SLC4A10: variants seen among roughly 807,000 people sequenced by gnomAD.
The protein encoded by SLC4A10 is solute carrier family 4 member 10.
In SLC4A10, 42 loss-of-function variants were observed where a neutral mutation model predicts 137.7. The ratio of observed to expected loss-of-function variants is 0.30; its 90% CI spans 0.24 to 0.39. SLC4A10 has a LOEUF of 0.39. SLC4A10 is among the 10% of genes least tolerant of loss of function. The probability of loss-of-function intolerance (pLI) is 1.00; values close to 1 mark genes in which losing one functional copy is unlikely to be tolerated. For synonymous variants in SLC4A10, 474 were observed against 464.1 expected (o/e 1.02, Z -0.27); for missense variants, 925 against 1,355.0 (o/e 0.68, Z 4.98).
At chr2:161,981,663 A>T (rs1402707407) in intron 26 of SLC4A10, among the ~76,000 whole-genome samples, 2 of 152,264 alleles carry the variant, frequency 1.3e-5, no homozygotes, top group Admixed American at 6.5e-5. Flanking sequence ...AGGAACTTAA[A>T]GTAGAAGAAA....
At chr2:161,863,994 G>A (rs1360079404) in intron 6 of SLC4A10, among the ~76,000 whole-genome samples, 1 of 152,124 alleles carries the variant, frequency 6.6e-6, no homozygotes, top group Non-Finnish European at 1.5e-5. Flanking sequence ...GAGGTCAGGA[G>A]ATCGTGACCA....
At chr2:161,727,630 A>G (rs1229194562) in intron 1 of SLC4A10, among the ~76,000 whole-genome samples, 1 of 152,166 alleles carries the variant, frequency 6.6e-6, no homozygotes, top group Non-Finnish European at 1.5e-5. Context: ...AACAAATAAG[A>G]GTTCTTGGAA....
intron 3 of SLC4A10, among the ~76,000 whole-genome samples, chr2:161,824,243 A>C (rs1476247097): frequency 2.6e-5 from 4 of 152,194 alleles, no homozygotes; most frequent in Admixed American, 2.6e-4. Flanking sequence ...TTCATTACAC[A>C]TGGTACCCTA....
At chr2:161,898,487 C>T (rs956076146) in intron 11 of SLC4A10, among the ~76,000 whole-genome samples, 29 of 152,110 alleles carry the variant, frequency 1.9e-4, no homozygotes, top group African/African-American at 6.3e-4. Flanking sequence ...AGTTAATATA[C>T]ATTAAACATT....
At chr2:161,870,728 T>G (rs931491131) in intron 6 of SLC4A10, among the ~76,000 whole-genome samples, 1 of 151,858 alleles carries the variant, frequency 6.6e-6, no homozygotes, top group African/African-American at 2.4e-5. Flanking sequence ...CACATTGTGG[T>G]TAGAAATGGG....
At chr2:161,839,167 A>G (rs1663661640) in intron 3 of SLC4A10, among the ~76,000 whole-genome samples, 1 of 152,214 alleles carries the variant, frequency 6.6e-6, no homozygotes, top group Non-Finnish European at 1.5e-5. Context: ...AATGACAGAT[A>G]AATCTCAAAA....
At chr2:161,937,292 A>G (rs1014344169) in intron 15 of SLC4A10, among the ~76,000 whole-genome samples, 3 of 152,152 alleles carry the variant, frequency 2.0e-5, no homozygotes, top group Non-Finnish European at 4.4e-5. Flanking sequence ...ACCAAAGGCT[A>G]TTTAGTGTTA....
chr2:161,684,642 C>T (rs1373918457), intron 1 of SLC4A10, among the ~76,000 whole-genome samples: 2 of 152,062 alleles, frequency 1.3e-5, no homozygotes, highest in African/African-American at 4.8e-5. Flanking sequence ...TCTCACTTTC[C>T]TCAACTGTAA....
chr2:161,946,341 GTTGT>G (rs1345605642), intron 16 of SLC4A10, among the ~76,000 whole-genome samples: 3 of 152,008 alleles, frequency 2.0e-5, no homozygotes, highest in Non-Finnish European at 4.4e-5. Context: ...GATTTTACTA[GTTGT>G]TTGTTTTCAG....
chr2:161,727,471 C>T (rs1320665404), intron 1 of SLC4A10, among the ~76,000 whole-genome samples: 1 of 151,994 alleles, frequency 6.6e-6, no homozygotes, highest in African/African-American at 2.4e-5. Flanking sequence ...AGATAGAAGC[C>T]AATACATTAG....
At chr2:161,631,437 A>C (rs2033536811) in intron 1 of SLC4A10, among the ~76,000 whole-genome samples, 1 of 151,744 alleles carries the variant, frequency 6.6e-6, no homozygotes, top group African/African-American at 2.4e-5. Flanking sequence ...AAATATTCAC[A>C]AAATAAAAAT....
rs140383285 is a variant in SLC4A10, at chr2:161,780,901, A to C, written c.130+9847A>C. 8.2e-3 allele frequency among the ~76,000 whole-genome samples: 1,249 copies of C among 152,184 alleles called. 14 individuals are homozygous for C. The highest frequency in any genetic ancestry group is 0.029 in the South Asian group (140 of 4,828). On this transcript the variant is annotated intron_variant, in intron 2 of 26. Transcript: ENST00000446997. ...TAATAAAAAATACATATCTAAAAGG[A>C]TAATCTGATGTTGTAAAATTATAAA...
intron 1 of SLC4A10, among the ~76,000 whole-genome samples, chr2:161,755,250 T>C (rs2049483059): frequency 6.6e-6 from 1 of 152,216 alleles, no homozygotes; most frequent in South Asian, 2.1e-4. Context: ...GAACTGTTTA[T>C]TTGCCTAAAG....
intron 1 of SLC4A10, among the ~76,000 whole-genome samples, chr2:161,763,982 T>G (rs1266815901): frequency 6.6e-6 from 1 of 152,126 alleles, no homozygotes; most frequent in Non-Finnish European, 1.5e-5. Context: ...ATCTAATCTT[T>G]GACATGGCAA....
At chr2:161,947,857 G>A in intron 17 of SLC4A10, 130 bp downstream of exon 17, 1 of 1,017,000 alleles carries the variant, frequency 9.8e-7, no homozygotes, top group South Asian at 1.6e-5. Context: ...GGAGTGAGAT[G>A]AGGGGCTGAA....
At chr2:161,627,294 T>C (rs1440854360) in intron 1 of SLC4A10, among the ~76,000 whole-genome samples, 3 of 152,072 alleles carry the variant, frequency 2.0e-5, no homozygotes, top group Non-Finnish European at 4.4e-5. Context: ...AATGGAGAAC[T>C]GGAAAAGACT....
At chr2:161,911,567 G>T (rs183037147) in intron 15 of SLC4A10, among the ~76,000 whole-genome samples, 2 of 151,992 alleles carry the variant, frequency 1.3e-5, no homozygotes, top group African/African-American at 2.4e-5. Context: ...TTTTTGCGAC[G>T]TATACACTTG....
intron 1 of SLC4A10, among the ~76,000 whole-genome samples, chr2:161,668,430 T>C (rs192704855): frequency 6.6e-6 from 1 of 151,808 alleles, no homozygotes; most frequent in East Asian, 1.9e-4. Context: ...AGAGAGTGGA[T>C]TATACAGAGA....
intron 12 of SLC4A10, 173 bp downstream of exon 12, chr2:161,901,184 T>G (rs559587778): frequency 1.6e-6 from 1 of 610,566 alleles, no homozygotes; most frequent in East Asian, 2.9e-5. Flanking sequence ...TTGTCATTAC[T>G]GTTAAACTAA....
Sources: gnomAD v4.1 joint callset for allele counts (sites outside exome capture counted in the v4.1 genomes callset) on GRCh38, gnomAD v4.1.1 for gene constraint, MANE v1.5 for transcripts, NCBI Gene and HGNC (gene_info 2026-07-23, HGNC 2026-07-21) for gene names.